The following PDE4D variants were observed in gnomAD, a reference collection of about 807,000 sequenced individuals.
PDE4D encodes the protein phosphodiesterase 4D.
In PDE4D, 24 loss-of-function variants were observed where a neutral mutation model predicts 87.4. That is an observed-to-expected ratio of 0.27 (90% CI 0.20 to 0.39). The LOEUF is 0.39. PDE4D is among the 10% of genes least tolerant of loss of function. PDE4D has a pLI of 1.00. For missense variants in PDE4D, 714 were observed against 1,041.0 expected (o/e 0.69, Z 4.32); for synonymous variants, 384 against 383.2 (o/e 1.00, Z -0.02).
At chr5:59,963,743 A>G (rs1326162003) in intron 3 of PDE4D, among the ~76,000 whole-genome samples, 9 of 152,140 alleles carry the variant, frequency 5.9e-5, no homozygotes, top group Non-Finnish European at 1.3e-4. Context: ...ATTAGAAAAT[A>G]TAACACCCTC....
chr5:59,444,579 G>A (rs1404793213), intron 1 of PDE4D, among the ~76,000 whole-genome samples: 1 of 152,066 alleles, frequency 6.6e-6, no homozygotes, highest in Non-Finnish European at 1.5e-5. Flanking sequence ...TTGGGAGGCC[G>A]AGGCGGGCGG....
chr5:60,213,857 G>A (rs1202243994), intron 1 of PDE4D, among the ~76,000 whole-genome samples: 1 of 152,118 alleles, frequency 6.6e-6, no homozygotes, highest in Non-Finnish European at 1.5e-5. Context: ...GAGATTAGGT[G>A]TCTGTAGGCA....
intron 5 of PDE4D, among the ~76,000 whole-genome samples, chr5:59,073,334 T>C (rs1432685772): frequency 2.0e-5 from 3 of 151,988 alleles, no homozygotes; most frequent in African/African-American, 7.3e-5. Context: ...ACATTTGAGG[T>C]GGTTCTTGAA....
intron 1 of PDE4D, among the ~76,000 whole-genome samples, chr5:59,471,161 C>T (rs1802380181): frequency 2.0e-5 from 3 of 152,168 alleles, no homozygotes; most frequent in Admixed American, 2.0e-4. Flanking sequence ...AGGAGGACTG[C>T]TTGAGCCCAG....
At chr5:59,182,328 G>T (rs1741850450) in intron 4 of PDE4D, among the ~76,000 whole-genome samples, 1 of 151,466 alleles carries the variant, frequency 6.6e-6, no homozygotes, top group Admixed American at 6.6e-5. Context: ...TGTGATCATA[G>T]CTCACTACAG....
chr5:59,525,983 T>C (rs1241197907), intron 1 of PDE4D, among the ~76,000 whole-genome samples: 3 of 152,200 alleles, frequency 2.0e-5, no homozygotes, highest in Non-Finnish European at 4.4e-5. Context: ...TAGTTCTTTA[T>C]AGCAGCATGA....
intron 1 of PDE4D, among the ~76,000 whole-genome samples, chr5:60,372,182 T>C (rs988320318): frequency 4.2e-5 from 6 of 143,956 alleles, no homozygotes; most frequent in Non-Finnish European, 8.0e-5. Flanking sequence ...CAGATGGTAT[T>C]GATGTGGTAC....
rs1243127900 is a variant in PDE4D, at chr5:59,043,690, T to A, written c.809-4719A>T. Among the ~76,000 whole-genome samples, 5 of 152,180 alleles carry A rather than the reference T, an allele frequency of 3.3e-5. No individual in the cohort carries two copies. The South Asian group carries it at 1.0e-3, about 32-fold the overall frequency. ...CATTTACATTAGGTATATCTCCTAATGCTATCCCTCCCCCTTCCCCCCACC... is the reference window on the plus strand; with the variant it reads ...CATTTACATTAGGTATATCTCCTAAAGCTATCCCTCCCCCTTCCCCCCACC... On this transcript the variant is annotated intron_variant, in intron 5 of 14. Transcript: ENST00000340635.
intron 6 of PDE4D, among the ~76,000 whole-genome samples, chr5:59,010,862 C>T (rs1038480643): frequency 1.3e-5 from 2 of 152,118 alleles, no homozygotes; most frequent in Admixed American, 1.3e-4. Flanking sequence ...TCCCTGACCC[C>T]CGAGTAGCCT....
intron 1 of PDE4D, among the ~76,000 whole-genome samples, chr5:59,643,850 CCTATTACT>C (rs1398108376): frequency 4.6e-5 from 7 of 152,144 alleles, no homozygotes; most frequent in Non-Finnish European, 1.0e-4. Flanking sequence ...TAATCATTGG[CCTATTACT>C]CTAAGAAATT....
intron 1 of PDE4D, among the ~76,000 whole-genome samples, chr5:59,315,537 G>A (rs1383605205): frequency 6.6e-6 from 1 of 152,092 alleles, no homozygotes; most frequent in Non-Finnish European, 1.5e-5. Context: ...GGAATGTCAG[G>A]AGACAGTCAA....
At chr5:59,006,055 G>A (rs1182489074) in intron 6 of PDE4D, among the ~76,000 whole-genome samples, 1 of 152,168 alleles carries the variant, frequency 6.6e-6, no homozygotes, top group East Asian at 1.9e-4. Context: ...CTTATGTTTG[G>A]GAGCGCTATG....
intron 1 of PDE4D, among the ~76,000 whole-genome samples, chr5:59,221,419 C>T (rs35584387): frequency 0.035 from 5,363 of 152,064 alleles, 181 homozygotes; most frequent in Admixed American, 0.09. Context: ...ACTGCTTGAG[C>T]CCAGGAGTTC....
chr5:60,156,231 T>C (rs974868306), intron 2 of PDE4D, among the ~76,000 whole-genome samples: 3 of 152,202 alleles, frequency 2.0e-5, no homozygotes, highest in Non-Finnish European at 4.4e-5. Context: ...CTACTGTTTG[T>C]TTATCGTGTT....
chr5:59,768,281 G>A (rs1763055364), intron 1 of PDE4D: 1 of 1,598,094 alleles, frequency 6.3e-7, no homozygotes, highest in African/African-American at 1.3e-5. Context: ...CGCTGTTTGG[G>A]GATGTTGCTG....
At chr5:59,556,119 T>C (rs1486941903) in intron 1 of PDE4D, among the ~76,000 whole-genome samples, 1 of 152,122 alleles carries the variant, frequency 6.6e-6, no homozygotes, top group Non-Finnish European at 1.5e-5. Flanking sequence ...CTACATAATA[T>C]AGTGTAAAAA....
At chr5:60,340,681 T>C (rs1383741002) in intron 1 of PDE4D, among the ~76,000 whole-genome samples, 1 of 148,896 alleles carries the variant, frequency 6.7e-6, no homozygotes, top group Non-Finnish European at 1.5e-5. Flanking sequence ...ATTTACAGAA[T>C]AAAGTGGCTA....
At chr5:60,387,519 G>A (rs774432319) in intron 1 of PDE4D, among the ~76,000 whole-genome samples, 10 of 152,324 alleles carry the variant, frequency 6.6e-5, no homozygotes, top group Admixed American at 2.0e-4. Flanking sequence ...ATAACAGAGG[G>A]TAAAATGTAA....
At chr5:60,309,955 CTAATATA>C (rs2149811332) in intron 1 of PDE4D, among the ~76,000 whole-genome samples, 1 of 152,276 alleles carries the variant, frequency 6.6e-6, no homozygotes, top group South Asian at 2.1e-4. Flanking sequence ...AATCCATAAT[CTAATATA>C]TAAGTAACAT....
Sources: gnomAD v4.1 joint callset for allele counts (sites outside exome capture counted in the v4.1 genomes callset) on GRCh38, gnomAD v4.1.1 for gene constraint, MANE v1.5 for transcripts, NCBI Gene and HGNC (gene_info 2026-07-23, HGNC 2026-07-21) for gene names.